PPP2R2B: variants seen among roughly 807,000 people sequenced by gnomAD.
The protein encoded by PPP2R2B is protein phosphatase 2 regulatory subunit Bbeta, also known as serine/threonine-protein phosphatase 2A 55 kDa regulatory subunit B beta isoform.
A neutral mutation model predicts 46.0 loss-of-function variants in PPP2R2B; 5 were observed. The ratio of observed to expected loss-of-function variants is 0.11; its 90% CI spans 0.06 to 0.23. The LOEUF (loss-of-function observed/expected upper bound fraction) is 0.23, where lower values mean the gene tolerates loss of function less well. Among genes scored for constraint, PPP2R2B ranks in the 10% least tolerant of loss-of-function variants. The pLI is 1.00. For synonymous variants in PPP2R2B, 215 were observed against 206.7 expected (o/e 1.04, Z -0.34); for missense variants, 367 against 575.0 (o/e 0.64, Z 3.70).
chr5:146,978,255 A>G (rs1753009165), intron 1 of PPP2R2B, among the ~76,000 whole-genome samples: 1 of 152,074 alleles, frequency 6.6e-6, no homozygotes, highest in South Asian at 2.1e-4. Flanking sequence ...AGTTCCTTAT[A>G]GATTCTGGAT....
At chr5:147,066,374 A>G (rs147620551) in intron 2 of PPP2R2B, among the ~76,000 whole-genome samples, 4 of 152,292 alleles carry the variant, frequency 2.6e-5, no homozygotes, top group Non-Finnish European at 5.9e-5. Context: ...TCCTCACAAG[A>G]GCCCTGGATG....
chr5:146,891,020 C>A (rs558042052), intron 1 of PPP2R2B, among the ~76,000 whole-genome samples: 1 of 152,212 alleles, frequency 6.6e-6, no homozygotes, highest in East Asian at 1.9e-4. Flanking sequence ...CAGTTGAGTG[C>A]AAGTTTAGAA....
intron 2 of PPP2R2B, among the ~76,000 whole-genome samples, chr5:146,766,945 T>C (rs1582055187): frequency 6.7e-6 from 1 of 149,324 alleles, no homozygotes; most frequent in East Asian, 2.0e-4. Flanking sequence ...TCCCAGCTAC[T>C]TGGGAGGCTG....
At chr5:146,982,373 A>T (rs1582543251) in intron 1 of PPP2R2B, among the ~76,000 whole-genome samples, 1 of 152,084 alleles carries the variant, frequency 6.6e-6, no homozygotes, top group Admixed American at 6.6e-5. Flanking sequence ...TCTGTTATTG[A>T]TTTCTAATGT....
At chr5:146,989,194 T>TTCTAC (rs1753571642) in intron 1 of PPP2R2B, among the ~76,000 whole-genome samples, 1 of 152,070 alleles carries the variant, frequency 6.6e-6, no homozygotes, top group South Asian at 2.1e-4. Context: ...CAAATATCAA[T>TTCTAC]TCTACTTAAA....
intron 2 of PPP2R2B, among the ~76,000 whole-genome samples, chr5:146,766,721 T>A (rs1167363184): frequency 6.6e-6 from 1 of 152,092 alleles, no homozygotes; most frequent in East Asian, 1.9e-4. Context: ...GAACAGTGAA[T>A]GCTACCACAA....
upstream of PPP2R2B, among the ~76,000 whole-genome samples, chr5:146,880,179 TTGTG>T (rs57151657): frequency 0.2 from 27,799 of 137,916 alleles, 2,567 homozygotes; most frequent in East Asian, 0.34. Flanking sequence ...CATAGTTATT[TTGTG>T]TGTGTGTGTG....
intron 2 of PPP2R2B, among the ~76,000 whole-genome samples, chr5:146,858,609 A>G (rs1258157418): frequency 2.0e-5 from 3 of 152,194 alleles, no homozygotes; most frequent in Admixed American, 1.3e-4. Context: ...ACTAGTCACT[A>G]GTAAATTAGT....
At position 146,947,743 on chromosome 5, in the gene PPP2R2B, A is replaced by G. The variant is rs113291911; in HGVS notation, c.79+107922T>C. On this transcript the variant is annotated intron_variant, in intron 1 of 8. Coordinates refer to the PPP2R2B transcript ENST00000336640. Reference sequence around the variant, plus strand: ...GCACCTTTCTCACCACTGTCCTTTCACATCTCACCATCTACCACTTCCTTC... The same window carrying G: ...GCACCTTTCTCACCACTGTCCTTTCGCATCTCACCATCTACCACTTCCTTC... Among the ~76,000 whole-genome samples, 31 of 151,888 alleles carry G rather than the reference A, an allele frequency of 2.0e-4. 3 individuals carry two copies. The highest frequency in any genetic ancestry group is 7.0e-4 in the African/African-American group (29 of 41,472).
At chr5:146,976,108 T>TTTATTATTATTA (rs143212984) in intron 1 of PPP2R2B, among the ~76,000 whole-genome samples, 5 of 130,698 alleles carry the variant, frequency 3.8e-5, no homozygotes, top group African/African-American at 1.4e-4. Context: ...TTTTAAAAAA[T>TTTATTATTATTA]TTATTATTAT....
intron 1 of PPP2R2B, among the ~76,000 whole-genome samples, chr5:147,042,413 C>T (rs987030112): frequency 6.6e-6 from 1 of 152,034 alleles, no homozygotes; most frequent in Non-Finnish European, 1.5e-5. Context: ...TTGAGATCTC[C>T]TAATTAAAAA....
chr5:147,041,476 C>T (rs1756296259), intron 1 of PPP2R2B, among the ~76,000 whole-genome samples: 1 of 152,118 alleles, frequency 6.6e-6, no homozygotes, highest in African/African-American at 2.4e-5. Flanking sequence ...CATCATTGTT[C>T]CCTGGTGCTA....
intron 1 of PPP2R2B, among the ~76,000 whole-genome samples, chr5:147,006,836 G>GT (rs1181810414): frequency 6.6e-6 from 1 of 151,920 alleles, no homozygotes; most frequent in Non-Finnish European, 1.5e-5. Flanking sequence ...GAAGAGTGTT[G>GT]TTTTTACACT....
chr5:146,967,849 A>T (rs1344579009), intron 1 of PPP2R2B, among the ~76,000 whole-genome samples: 2 of 152,140 alleles, frequency 1.3e-5, no homozygotes. Context: ...ATGGGCCAAA[A>T]AGAGAGACCG....
intron 2 of PPP2R2B, among the ~76,000 whole-genome samples, chr5:146,746,574 G>C (rs1561874995): frequency 6.6e-6 from 1 of 152,126 alleles, no homozygotes; most frequent in East Asian, 1.9e-4. Flanking sequence ...AGGGCTTCCA[G>C]GACGACTCTG....
At chr5:146,789,013 C>T (rs926358429) in intron 2 of PPP2R2B, among the ~76,000 whole-genome samples, 1 of 152,130 alleles carries the variant, frequency 6.6e-6, no homozygotes, top group Admixed American at 6.5e-5. Flanking sequence ...CAGTTGGGAC[C>T]AAGATAACAT....
At position 146,878,053 on chromosome 5, in the gene PPP2R2B, T is replaced by C. The variant is rs531695576; in HGVS notation, c.19A>G (p.Thr7Ala). The change falls in exon 2 of 10, where the codon ACC becomes GCC. Residue 7 changes from threonine to alanine, a missense_variant. Coordinates refer to ENST00000394411, the MANE Select transcript of PPP2R2B (RefSeq NM_181675.4). The surrounding 1 kb of genome is among the most constrained non-coding windows in gnomAD (Gnocchi z 4.5). MEEDIDTRKINNSFLRD... is the reference protein window; with the variant it reads MEEDIDARKINNSFLRD... ...AGGAAACTGTTGTTGATTTTGCGGG[T>C]ATCAATGTCCTCCTCCATTGACAGC... 6 of 1,614,072 alleles carry C rather than the reference T, an allele frequency of 3.7e-6. No homozygotes were observed. The South Asian group carries it at 6.6e-5, about 18-fold the overall frequency.
intron 2 of PPP2R2B, among the ~76,000 whole-genome samples, chr5:146,750,138 T>TC (rs1414048053): frequency 6.6e-6 from 1 of 152,228 alleles, no homozygotes; most frequent in African/African-American, 2.4e-5. Flanking sequence ...GATTCTTTAT[T>TC]CTGTTCATTG....
At position 146,753,271 on chromosome 5, in the gene PPP2R2B, C is replaced by T. The variant is rs963763178; in HGVS notation, c.71-52129G>A. Among the ~76,000 whole-genome samples, 3 of 152,148 alleles carry T rather than the reference C, an allele frequency of 2.0e-5. No individual in the cohort carries two copies. In the East Asian group the frequency reaches 5.8e-4, roughly 29 times the overall value. Reference sequence around the variant, plus strand: ...GAAATGCTTAGCACAGTGTCTGGTACACAAGAAGTGCAAAATACTTGGTAA... The same window carrying T: ...GAAATGCTTAGCACAGTGTCTGGTATACAAGAAGTGCAAAATACTTGGTAA... On this transcript the variant is annotated intron_variant, in intron 2 of 9. Coordinates refer to ENST00000394411, the MANE Select transcript of PPP2R2B (RefSeq NM_181675.4).
Sources: gnomAD v4.1 joint callset for allele counts (sites outside exome capture counted in the v4.1 genomes callset) on GRCh38, gnomAD v4.1.1 for gene constraint, Gnocchi (gnomAD v3.1) non-coding constraint, MANE v1.5 for transcripts, NCBI Gene and HGNC (gene_info 2026-07-23, HGNC 2026-07-21) for gene names.